Variants in SCAMP1 observed in about 807,000 individuals in gnomAD.
SCAMP1 encodes secretory carrier-associated membrane protein 1.
In SCAMP1, 15 loss-of-function variants were observed where a neutral mutation model predicts 41.8. The ratio of observed to expected loss-of-function variants is 0.36; its 90% CI spans 0.24 to 0.55. The LOEUF (loss-of-function observed/expected upper bound fraction) is 0.55, where lower values mean the gene tolerates loss of function less well. Among genes scored for constraint, SCAMP1 ranks in the 20% least tolerant of loss-of-function variants. The probability of loss-of-function intolerance (pLI) is 0.86; values close to 1 mark genes in which losing one functional copy is unlikely to be tolerated. For synonymous variants in SCAMP1, 135 were observed against 136.8 expected (o/e 0.99, Z 0.09); for missense variants, 341 against 412.6 (o/e 0.83, Z 1.50).
At chr5:78,377,858 T>C (rs1751105594) in intron 1 of SCAMP1, among the ~76,000 whole-genome samples, 1 of 152,154 alleles carries the variant, frequency 6.6e-6, no homozygotes, top group South Asian at 2.1e-4. Flanking sequence ...ATATGATACA[T>C]TTTACTGATG....
rs189073293 is a variant in SCAMP1, at chr5:78,365,831, T to C, written c.57+5103T>C. 8.7e-4 allele frequency among the ~76,000 whole-genome samples: 132 copies of C among 152,352 alleles called. 1 individual carries two copies. Among genetic ancestry groups the C allele is most frequent in the Middle Eastern group, 3.4e-3 (1 of 294 alleles). ...GCCTAAAATTCAGCATTCTCACTTA[T>C]GTTATCTTTTAAGTTACAGTAATCT... On this transcript the variant is annotated intron_variant, in intron 1 of 8. Transcript: ENST00000621999.
intron 8 of SCAMP1, among the ~76,000 whole-genome samples, chr5:78,465,767 G>T (rs1753729422): frequency 6.6e-6 from 1 of 152,176 alleles, no homozygotes; most frequent in South Asian, 2.1e-4. Flanking sequence ...GAATTGGCTG[G>T]TGAGGTCAGT....
chr5:78,371,748 A>T (rs1750948098), intron 1 of SCAMP1, among the ~76,000 whole-genome samples: 1 of 152,176 alleles, frequency 6.6e-6, no homozygotes, highest in Non-Finnish European at 1.5e-5. Context: ...TTCCTTTTTT[A>T]AAAAATAAAT....
At chr5:78,444,574 A>T (rs1753009147) in intron 6 of SCAMP1, among the ~76,000 whole-genome samples, 2 of 152,158 alleles carry the variant, frequency 1.3e-5, no homozygotes, top group South Asian at 4.1e-4. Context: ...GACACAGCCA[A>T]ATTCTATCAG....
intron 5 of SCAMP1, among the ~76,000 whole-genome samples, chr5:78,419,541 C>T (rs950372381): frequency 1.3e-5 from 2 of 152,198 alleles, no homozygotes; most frequent in African/African-American, 2.4e-5. Flanking sequence ...CAGTTTTACT[C>T]TGTGTGCACA....
intron 1 of SCAMP1, among the ~76,000 whole-genome samples, chr5:78,367,737 C>T (rs904560706): frequency 1.3e-5 from 2 of 152,200 alleles, no homozygotes; most frequent in African/African-American, 4.8e-5. Flanking sequence ...CGTAGGATAA[C>T]TTCACTAGAC....
intron 2 of SCAMP1, among the ~76,000 whole-genome samples, chr5:78,414,898 C>T (rs1317017982): frequency 6.6e-6 from 1 of 152,016 alleles, no homozygotes; most frequent in Non-Finnish European, 1.5e-5. Context: ...TGGCAGTAAA[C>T]CTTGGTGTAG....
chr5:78,455,002 T>A (rs1385205131), intron 7 of SCAMP1, among the ~76,000 whole-genome samples: 1 of 152,038 alleles, frequency 6.6e-6, no homozygotes, highest in East Asian at 1.9e-4. Flanking sequence ...TGATGGTAGT[T>A]TGTATTTCTG....
intron 2 of SCAMP1, among the ~76,000 whole-genome samples, chr5:78,392,442 G>A (rs1193143688): frequency 6.6e-6 from 1 of 152,198 alleles, no homozygotes; most frequent in Non-Finnish European, 1.5e-5. Context: ...AGAAAAAATA[G>A]TCCTGGTCTT....
chr5:78,380,222 T>C (rs748807171), intron 1 of SCAMP1, among the ~76,000 whole-genome samples: 5 of 152,220 alleles, frequency 3.3e-5, no homozygotes, highest in Non-Finnish European at 7.3e-5. Context: ...TTTATATATA[T>C]TTAGGTTGCT....
At chr5:78,366,398 C>T (rs541604656) in intron 1 of SCAMP1, among the ~76,000 whole-genome samples, 1 of 152,242 alleles carries the variant, frequency 6.6e-6, no homozygotes, top group African/African-American at 2.4e-5. Context: ...CCTGCCTCAG[C>T]CTTCCAGAGT....
chr5:78,361,333 A>G (rs1353600212), intron 1 of SCAMP1, among the ~76,000 whole-genome samples: 2 of 152,236 alleles, frequency 1.3e-5, no homozygotes, highest in African/African-American at 4.8e-5. Flanking sequence ...GTTGAGGTTG[A>G]GGTTATTGAT....
intron 8 of SCAMP1, among the ~76,000 whole-genome samples, chr5:78,464,390 C>T (rs1316653871): frequency 6.6e-6 from 1 of 152,192 alleles, no homozygotes; most frequent in African/African-American, 2.4e-5. Context: ...GTTCTGCCTA[C>T]TGGGATTACA....
intron 7 of SCAMP1, among the ~76,000 whole-genome samples, chr5:78,453,909 G>T (rs1240345182): frequency 1.3e-5 from 2 of 152,182 alleles, no homozygotes; most frequent in South Asian, 2.1e-4. Context: ...CACATCCCTT[G>T]TAAGTTGGAT....
intron 6 of SCAMP1, among the ~76,000 whole-genome samples, chr5:78,432,204 T>A (rs2112169331): frequency 6.6e-6 from 1 of 152,282 alleles, no homozygotes; most frequent in Non-Finnish European, 1.5e-5. Flanking sequence ...TAATTTTAAT[T>A]TGCTTTTAAT....
At position 78,479,978 on chromosome 5, in the gene SCAMP1, G is replaced by A. The variant is rs559348239; in HGVS notation, c.*4310G>A. Reference sequence around the variant, plus strand: ...GGAGAATGACGTGAACCTGGGAGGCGGAGCTTGCAGTGAGCCGAGATCTCT... The same window carrying A: ...GGAGAATGACGTGAACCTGGGAGGCAGAGCTTGCAGTGAGCCGAGATCTCT... On this transcript the variant is annotated 3_prime_UTR_variant, in exon 9 of 9. Transcript: ENST00000621999. Among the ~76,000 whole-genome samples, 15 of 151,962 alleles carry A rather than the reference G, an allele frequency of 9.9e-5. No homozygotes were observed. Among genetic ancestry groups the A allele is most frequent in the African/African-American group, 2.9e-4 (12 of 41,426 alleles).
At chr5:78,427,937 A>AT (rs1228361366) in intron 6 of SCAMP1, among the ~76,000 whole-genome samples, 1 of 152,124 alleles carries the variant, frequency 6.6e-6, no homozygotes, top group East Asian at 1.9e-4. Context: ...AGAGTTCTGT[A>AT]TTGGAGATAT....
chr5:78,460,820 CCTTT>C (rs1272900496), intron 8 of SCAMP1, among the ~76,000 whole-genome samples: 1 of 28,172 alleles, frequency 3.5e-5, no homozygotes, highest in Non-Finnish European at 1.2e-4. Flanking sequence ...TTCCTTCCTT[CCTTT>C]CTTGTCTTTC....
chr5:78,364,169 G>C (rs186409297), intron 1 of SCAMP1, among the ~76,000 whole-genome samples: 1 of 152,174 alleles, frequency 6.6e-6, no homozygotes, highest in Non-Finnish European at 1.5e-5. Context: ...AGACAAATAT[G>C]CTTGGAAAAT....
Sources: gnomAD v4.1 joint callset for allele counts (sites outside exome capture counted in the v4.1 genomes callset) on GRCh38, gnomAD v4.1.1 for gene constraint, MANE v1.5 for transcripts, NCBI Gene and HGNC (gene_info 2026-07-23, HGNC 2026-07-21) for gene names.